ADGRL4: variants seen among roughly 807,000 people sequenced by gnomAD.
The protein encoded by ADGRL4 is adhesion G protein-coupled receptor L4, also known as EGF, latrophilin and seven transmembrane domain containing 1.
ADGRL4 carries 90 observed loss-of-function variants against 74.8 expected under a neutral mutation model. That is an observed-to-expected ratio of 1.20 (90% CI 1.02 to 1.43). The LOEUF is 1.43. Among genes scored for constraint, ADGRL4 ranks in the 40% most tolerant of loss-of-function variants. The pLI, the probability that ADGRL4 is intolerant of heterozygous loss-of-function variation, is 0.00. For missense variants in ADGRL4, 881 were observed against 814.3 expected (o/e 1.08, Z -1.00); for synonymous variants, 311 against 279.2 (o/e 1.11, Z -1.14).
chr1:78,999,762 A>C (rs1402205145), intron 2 of ADGRL4, among the ~76,000 whole-genome samples: 1 of 152,018 alleles, frequency 6.6e-6, no homozygotes, highest in Non-Finnish European at 1.5e-5. Context: ...TCACTAATGC[A>C]TATTATATGA....
At chr1:78,928,646 T>C (rs972366996) in intron 7 of ADGRL4, among the ~76,000 whole-genome samples, 1 of 151,492 alleles carries the variant, frequency 6.6e-6, no homozygotes, top group Non-Finnish European at 1.5e-5. Context: ...ATTTAATTGA[T>C]AGAACATATA....
chr1:78,979,522 A>C (rs1339072431), intron 2 of ADGRL4, among the ~76,000 whole-genome samples: 1 of 152,026 alleles, frequency 6.6e-6, no homozygotes, highest in Non-Finnish European at 1.5e-5. Flanking sequence ...CAGAACTACC[A>C]TTTCATCCAG....
At chr1:78,909,883 A>G (rs1374991186) in intron 12 of ADGRL4, among the ~76,000 whole-genome samples, 1 of 151,896 alleles carries the variant, frequency 6.6e-6, no homozygotes, top group Non-Finnish European at 1.5e-5. Flanking sequence ...AAACTTTGGA[A>G]ATACATTAAA....
At chr1:78,992,350 A>G (rs555925240) in intron 2 of ADGRL4, among the ~76,000 whole-genome samples, 1 of 152,212 alleles carries the variant, frequency 6.6e-6, no homozygotes, top group African/African-American at 2.4e-5. Flanking sequence ...TGAATGTAAG[A>G]TTGCAGAAAA....
chr1:78,977,090 T>C (rs114787089), intron 2 of ADGRL4, among the ~76,000 whole-genome samples: 2,830 of 151,472 alleles, frequency 0.019, 41 homozygotes, highest in Non-Finnish European at 0.032. Context: ...ATCTCAAGGG[T>C]GTTAGCATAA....
chr1:78,993,411 T>C (rs1397897222), intron 2 of ADGRL4, among the ~76,000 whole-genome samples: 1 of 152,118 alleles, frequency 6.6e-6, no homozygotes, highest in Non-Finnish European at 1.5e-5. Flanking sequence ...GAAGAATAAA[T>C]TTAGCTCTAC....
chr1:78,918,786 G>A (rs1004834680), intron 10 of ADGRL4, among the ~76,000 whole-genome samples: 1 of 151,782 alleles, frequency 6.6e-6, no homozygotes, highest in African/African-American at 2.4e-5. Flanking sequence ...TATAATTCAA[G>A]ATTAATGAGA....
intron 2 of ADGRL4, among the ~76,000 whole-genome samples, chr1:79,002,090 T>G (rs1202231515): frequency 6.6e-6 from 1 of 152,072 alleles, no homozygotes; most frequent in Non-Finnish European, 1.5e-5. Context: ...GGAAGTGGAA[T>G]TCTGAAGAAT....
chr1:78,917,019 A>T (rs977914), intron 12 of ADGRL4, among the ~76,000 whole-genome samples: 90,876 of 151,654 alleles, frequency 0.6, 27,189 homozygotes, highest in East Asian at 0.7. Context: ...GCCCTCTTCC[A>T]TGCTGAAATA....
chr1:78,939,905 A>G (rs929171766), intron 3 of ADGRL4: 1 of 152,574 alleles, frequency 6.6e-6, no homozygotes, highest in Admixed American at 6.5e-5. Flanking sequence ...TTTTACAAGA[A>G]AGCAAGAGAA....
Position 78,938,109 on chromosome 1 carries a change from TGAG to T in ADGRL4, c.564_566del (p.Asn188_Ser189delinsLys). Reference sequence around the variant, plus strand: ...AGCTGAACATACTTACAGTAAGAGTTGAGTTAGAAAGGGTGTCCTTGGCTGAGA... The same window carrying T: ...AGCTGAACATACTTACAGTAAGAGTTTTAGAAAGGGTGTCCTTGGCTGAGA... On this transcript the variant is annotated inframe_deletion, in exon 5 of 15. Transcript: ENST00000370742. 1 of 1,612,296 alleles carries T rather than the reference TGAG, an allele frequency of 6.2e-7. No individual in the cohort carries two copies. The highest frequency in any genetic ancestry group is 8.5e-7 in the Non-Finnish European group (1 of 1,179,444).
Position 78,920,227 on chromosome 1 carries a change from C to T in ADGRL4, c.1417G>A (p.Ala473Thr). 1 of 1,611,738 alleles carries T rather than the reference C, an allele frequency of 6.2e-7. No homozygotes were observed. Among genetic ancestry groups the T allele is most frequent in the Non-Finnish European group, 8.5e-7 (1 of 1,178,722 alleles). Residue 473 changes from alanine (A) to threonine (T), a missense_variant, in exon 10 of 15, where the codon GCT becomes ACT. By Grantham distance (58) the Ala-to-Thr change is moderately conservative. Coordinates refer to ENST00000370742, the MANE Select transcript of ADGRL4 (RefSeq NM_022159.4). ...ATCCCAACAAGAAAAACAAGTTCAG[C>T]AAGAAATAGGCTACAGCAAAGATTT... is the stretch of plus-strand genomic sequence containing the variant. Reference protein sequence around the residue: ...HKNLCCSLFLAELVFLVGINT... With the variant: ...HKNLCCSLFLTELVFLVGINT...
chr1:78,958,563 G>A (rs1032347420), intron 2 of ADGRL4, among the ~76,000 whole-genome samples: 1 of 152,172 alleles, frequency 6.6e-6, no homozygotes, highest in South Asian at 2.1e-4. Flanking sequence ...TGCAGCCTGA[G>A]ATGTGACTGA....
intron 6 of ADGRL4, among the ~76,000 whole-genome samples, chr1:78,937,567 T>C (rs1231565243): frequency 6.6e-6 from 1 of 152,184 alleles, no homozygotes; most frequent in Non-Finnish European, 1.5e-5. Flanking sequence ...GGCTGTACAG[T>C]TCAGGAATCA....
At chr1:78,892,253 T>G (rs1648296545) in intron 13 of ADGRL4, among the ~76,000 whole-genome samples, 1 of 152,108 alleles carries the variant, frequency 6.6e-6, no homozygotes. Flanking sequence ...TATGTCAAAA[T>G]AAATTCATCA....
At chr1:78,898,284 A>G (rs530094026) in intron 12 of ADGRL4, among the ~76,000 whole-genome samples, 4 of 152,130 alleles carry the variant, frequency 2.6e-5, no homozygotes, top group Non-Finnish European at 4.4e-5. Flanking sequence ...TCATGATAGC[A>G]GACTTGGGTA....
chr1:78,931,327 A>G (rs1200126225), intron 7 of ADGRL4, among the ~76,000 whole-genome samples: 2 of 151,442 alleles, frequency 1.3e-5, no homozygotes, highest in Non-Finnish European at 1.5e-5. Flanking sequence ...TATCCAGCCA[A>G]ACTAAGCTTC....
At chr1:78,921,303 G>A (rs1392807184) in intron 9 of ADGRL4, among the ~76,000 whole-genome samples, 7 of 150,772 alleles carry the variant, frequency 4.6e-5, no homozygotes, top group Admixed American at 1.3e-4. Context: ...TTTAAATTCC[G>A]TGATACATTA....
At chr1:78,913,225 G>A (rs1648799574) in intron 12 of ADGRL4, among the ~76,000 whole-genome samples, 1 of 151,912 alleles carries the variant, frequency 6.6e-6, no homozygotes, top group Non-Finnish European at 1.5e-5. Flanking sequence ...GGAAGACAGG[G>A]TGGTGATTCC....
Sources: allele counts gnomAD v4.1 joint callset (sites outside exome capture counted in the v4.1 genomes callset), GRCh38; gene constraint gnomAD v4.1.1; transcripts MANE v1.5; gene names NCBI Gene and HGNC (gene_info 2026-07-23, HGNC 2026-07-21).